The following EPB41L4A variants were observed in gnomAD, a reference collection of about 807,000 sequenced individuals.
The protein encoded by EPB41L4A is erythrocyte membrane protein band 4.1 like 4A.
EPB41L4A carries 100 observed loss-of-function variants against 108.6 expected under a neutral mutation model. That is an observed-to-expected ratio of 0.92 (90% CI 0.78 to 1.09). The LOEUF (loss-of-function observed/expected upper bound fraction) is 1.09, where lower values mean the gene tolerates loss of function less well. EPB41L4A is among the 50% of genes least tolerant of loss of function. The pLI, the probability that EPB41L4A is intolerant of heterozygous loss-of-function variation, is 0.00. For missense variants in EPB41L4A, 1,030 were observed against 842.7 expected (o/e 1.22, Z -2.75); for synonymous variants, 319 against 289.0 (o/e 1.10, Z -1.05).
chr5:112,326,209 C>G (rs1440213995), intron 1 of EPB41L4A, among the ~76,000 whole-genome samples: 1 of 152,120 alleles, frequency 6.6e-6, no homozygotes, highest in South Asian at 2.1e-4. Flanking sequence ...CTTCCACTGA[C>G]TGCCTCTCTT....
intron 1 of EPB41L4A, among the ~76,000 whole-genome samples, chr5:112,378,522 A>T (rs187710975): frequency 6.6e-6 from 1 of 152,338 alleles, no homozygotes; most frequent in East Asian, 1.9e-4. Context: ...AAAGTTTCCC[A>T]GACATTGTTT....
At chr5:112,344,083 T>G (rs1463846630) in intron 1 of EPB41L4A, among the ~76,000 whole-genome samples, 1 of 152,136 alleles carries the variant, frequency 6.6e-6, no homozygotes, top group Non-Finnish European at 1.5e-5. Context: ...AAAATTGATT[T>G]GATATTTGAT....
At chr5:112,319,299 CT>C (rs1304925683) in intron 1 of EPB41L4A, among the ~76,000 whole-genome samples, 5 of 152,236 alleles carry the variant, frequency 3.3e-5, no homozygotes, top group African/African-American at 1.2e-4. Context: ...ATTACAACCC[CT>C]ATGAGAAAAA....
chr5:112,224,775 A>C (rs1256093425), intron 12 of EPB41L4A, among the ~76,000 whole-genome samples: 2 of 152,208 alleles, frequency 1.3e-5, no homozygotes, highest in Admixed American at 1.3e-4. Context: ...GAGGGACCAC[A>C]GACTTGGACC....
intron 19 of EPB41L4A, among the ~76,000 whole-genome samples, 165 bp downstream of exon 19, chr5:112,170,780 T>C (rs1580360283): frequency 1.3e-5 from 2 of 152,216 alleles, no homozygotes; most frequent in South Asian, 2.1e-4. Context: ...GGTGTTGATA[T>C]GGTTAAGGCA....
intron 12 of EPB41L4A, among the ~76,000 whole-genome samples, chr5:112,231,634 A>G (rs1279238352): frequency 6.6e-6 from 1 of 150,898 alleles, no homozygotes; most frequent in African/African-American, 2.4e-5. Flanking sequence ...AAATACAAAA[A>G]AGTAGCCGGG....
intron 15 of EPB41L4A, among the ~76,000 whole-genome samples, chr5:112,196,355 A>C (rs958418922): frequency 1.3e-5 from 2 of 152,218 alleles, no homozygotes; most frequent in Admixed American, 6.5e-5. Context: ...TTTTTAATAG[A>C]ATCTCCTTTA....
At position 112,239,066 on chromosome 5, in the gene EPB41L4A, G is replaced by A. The variant is rs528431031; in HGVS notation, c.965+594C>T. ...TTCCTAGCTGGATTACCTGGAGAAGGGACTTGACCTCTTTGAGCCTTAGGG... is the reference window on the plus strand; with the variant it reads ...TTCCTAGCTGGATTACCTGGAGAAGAGACTTGACCTCTTTGAGCCTTAGGG... On this transcript the variant is annotated intron_variant, in intron 11 of 22. Transcript: ENST00000261486. Among the ~76,000 whole-genome samples the A allele has an allele frequency of 2.0e-5, 3 of 152,260 alleles. No individual in the cohort carries two copies. In the East Asian group the frequency reaches 5.8e-4, roughly 29 times the overall value.
At chr5:112,186,892 G>C (rs960527607) in intron 17 of EPB41L4A, among the ~76,000 whole-genome samples, 1 of 152,184 alleles carries the variant, frequency 6.6e-6, no homozygotes, top group African/African-American at 2.4e-5. Flanking sequence ...TAAGAGGCAG[G>C]AGTAACTATT....
At chr5:112,213,844 C>T (rs1747421766) in intron 12 of EPB41L4A, among the ~76,000 whole-genome samples, 1 of 152,142 alleles carries the variant, frequency 6.6e-6, no homozygotes, top group Admixed American at 6.5e-5. Flanking sequence ...AGTCACATGC[C>T]TTCATTAGGC....
intron 12 of EPB41L4A, among the ~76,000 whole-genome samples, chr5:112,233,984 G>A (rs1442425035): frequency 6.6e-6 from 1 of 151,566 alleles, no homozygotes; most frequent in Non-Finnish European, 1.5e-5. Flanking sequence ...ATGAGCCATT[G>A]TGCCCAGCCA....
downstream of EPB41L4A, chr5:112,161,589 T>G (rs1184643699): frequency 1.9e-6 from 1 of 519,202 alleles, no homozygotes; most frequent in East Asian, 5.4e-5. Context: ...TTTGATACCT[T>G]TGGTGTAGGA....
At chr5:112,339,618 C>G (rs1757178870) in intron 1 of EPB41L4A, among the ~76,000 whole-genome samples, 1 of 150,912 alleles carries the variant, frequency 6.6e-6, no homozygotes, top group Non-Finnish European at 1.5e-5. Context: ...ACTGCAACCT[C>G]TACCTCCTGG....
At chr5:112,351,510 G>A (rs749174656) in intron 1 of EPB41L4A, among the ~76,000 whole-genome samples, 3 of 152,132 alleles carry the variant, frequency 2.0e-5, no homozygotes, top group East Asian at 1.9e-4. Context: ...AGGCCTGGAT[G>A]GTTTTACTGC....
intron 4 of EPB41L4A, among the ~76,000 whole-genome samples, chr5:112,271,044 G>A (rs1752231791): frequency 6.6e-6 from 1 of 152,118 alleles, no homozygotes; most frequent in African/African-American, 2.4e-5. Context: ...CTCTCTTCGG[G>A]CAGACTGAAA....
intron 11 of EPB41L4A, among the ~76,000 whole-genome samples, chr5:112,235,736 C>T (rs72798409): frequency 0.039 from 5,870 of 152,148 alleles, 167 homozygotes; most frequent in Non-Finnish European, 0.06. Context: ...AATGAAGATG[C>T]CTACAAAACT....
chr5:112,309,427 T>A (rs1009640317), intron 1 of EPB41L4A, among the ~76,000 whole-genome samples: 3 of 152,200 alleles, frequency 2.0e-5, no homozygotes, highest in African/African-American at 7.2e-5. Flanking sequence ...TTAACTGGAA[T>A]TAAATTTAAT....
At chr5:112,360,322 G>T (rs897697949) in intron 1 of EPB41L4A, among the ~76,000 whole-genome samples, 3 of 152,208 alleles carry the variant, frequency 2.0e-5, no homozygotes, top group Non-Finnish European at 4.4e-5. Context: ...CTCTGATGCT[G>T]AGCCCAGGCT....
downstream of EPB41L4A, among the ~76,000 whole-genome samples, chr5:112,159,571 C>T (rs1759774672): frequency 1.3e-5 from 2 of 152,216 alleles, no homozygotes; most frequent in African/African-American, 4.8e-5. Context: ...CTGCCTGGCT[C>T]TCCAGCTGCA....
Sources: gnomAD v4.1 joint callset for allele counts (sites outside exome capture counted in the v4.1 genomes callset) on GRCh38, gnomAD v4.1.1 for gene constraint, MANE v1.5 for transcripts, NCBI Gene and HGNC (gene_info 2026-07-23, HGNC 2026-07-21) for gene names.